Variants in SHTN1 observed in about 807,000 individuals in gnomAD.
SHTN1 encodes the protein shootin 1, also known as shootin-1.
A neutral mutation model predicts 83.1 loss-of-function variants in SHTN1; 42 were observed. That is an observed-to-expected ratio of 0.51 (90% CI 0.39 to 0.65). The LOEUF (loss-of-function observed/expected upper bound fraction) is 0.65. SHTN1 is among the 30% of genes least tolerant of loss of function. The pLI, the probability that SHTN1 is intolerant of heterozygous loss-of-function variation, is 0.00. For synonymous variants in SHTN1, 224 were observed against 247.7 expected (o/e 0.90, Z 0.90); for missense variants, 622 against 737.8 (o/e 0.84, Z 1.82).
chr10:117,096,544 T>C (rs1853505354), intron 1 of SHTN1, among the ~76,000 whole-genome samples: 2 of 152,234 alleles, frequency 1.3e-5, no homozygotes, highest in South Asian at 2.1e-4. Flanking sequence ...TGGAATCACA[T>C]ACAATATAGA....
At chr10:117,010,312 A>G (rs1852085092), upstream of SHTN1, among the ~76,000 whole-genome samples, 1 of 152,108 alleles carries the variant, frequency 6.6e-6, no homozygotes, top group Non-Finnish European at 1.5e-5. Context: ...TAAATAACCT[A>G]GAAGAAATGG....
At chr10:116,894,096 T>G (rs9421254) in intron 16 of SHTN1, among the ~76,000 whole-genome samples, 25 of 152,292 alleles carry the variant, frequency 1.6e-4, no homozygotes, top group African/African-American at 5.8e-4. Context: ...TTTTTTTTCT[T>G]TCATGGAAAT....
chr10:116,977,719 G>A (rs577406944), intron 2 of SHTN1, among the ~76,000 whole-genome samples: 2 of 151,652 alleles, frequency 1.3e-5, no homozygotes, highest in East Asian at 3.9e-4. Flanking sequence ...CTGTTGCCCA[G>A]GCTGGAATGC....
intron 4 of SHTN1, among the ~76,000 whole-genome samples, chr10:116,956,912 T>G (rs1009959660): frequency 5.9e-5 from 9 of 151,626 alleles, no homozygotes; most frequent in East Asian, 3.9e-4. Flanking sequence ...TATATGAGGG[T>G]TTTTTTTGTT....
chr10:116,924,647 G>C (rs1347991243), intron 11 of SHTN1, among the ~76,000 whole-genome samples: 1 of 151,774 alleles, frequency 6.6e-6, no homozygotes, highest in Non-Finnish European at 1.5e-5. Flanking sequence ...CAAACCTCTG[G>C]CCATCACTGC....
At chr10:116,994,282 A>G (rs1851550075) in intron 1 of SHTN1, among the ~76,000 whole-genome samples, 1 of 152,128 alleles carries the variant, frequency 6.6e-6, no homozygotes, top group South Asian at 2.1e-4. Context: ...TGATATAGAG[A>G]AAACTAAATG....
At chr10:117,108,367 C>T (rs1853702135) in intron 1 of SHTN1, among the ~76,000 whole-genome samples, 1 of 151,952 alleles carries the variant, frequency 6.6e-6, no homozygotes, top group Admixed American at 6.6e-5. Flanking sequence ...CCATGGAATA[C>T]TATGCAGCCA....
rs187552114 is a variant in SHTN1 at position 116,993,655 on chromosome 10, G to A, written c.58+11367C>T. Among the ~76,000 whole-genome samples the A allele has an allele frequency of 5.5e-3, 830 of 152,118 alleles. 6 individuals are homozygous for A. Among genetic ancestry groups the A allele is most frequent in the African/African-American group, 0.018 (767 of 41,504 alleles). Reference sequence around the variant, plus strand: ...TATGAGAAAAATAACCTGAGATGATGCCTAGCTTTGTCTGTCTCATAAAAT... The same window carrying A: ...TATGAGAAAAATAACCTGAGATGATACCTAGCTTTGTCTGTCTCATAAAAT... On this transcript the variant is annotated intron_variant, in intron 1 of 16. Transcript: ENST00000355371.
At chr10:117,108,700 G>C (rs1282326134) in intron 1 of SHTN1, among the ~76,000 whole-genome samples, 2 of 150,818 alleles carry the variant, frequency 1.3e-5, no homozygotes, top group East Asian at 4.0e-4. Flanking sequence ...AGAACTTAAA[G>C]TATAATAATA....
upstream of SHTN1, among the ~76,000 whole-genome samples, chr10:117,007,838 CT>C (rs1852045890): frequency 6.6e-6 from 1 of 151,772 alleles, no homozygotes. Flanking sequence ...CGGTGAAACC[CT>C]GTCTCTACTA....
intron 4 of SHTN1, among the ~76,000 whole-genome samples, chr10:116,954,794 A>C (rs76750537): frequency 0.02 from 3,121 of 152,278 alleles, 107 homozygotes; most frequent in African/African-American, 0.071. Context: ...GTTTCTTTCC[A>C]TGTGCCTGGA....
chr10:116,929,281 C>T (rs1463200996), intron 10 of SHTN1, among the ~76,000 whole-genome samples: 2 of 152,142 alleles, frequency 1.3e-5, no homozygotes, highest in African/African-American at 4.8e-5. Context: ...TCCCGTTAAG[C>T]CTTCTAGAAC....
chr10:116,938,619 T>C (rs1832190264), intron 9 of SHTN1, among the ~76,000 whole-genome samples: 1 of 152,168 alleles, frequency 6.6e-6, no homozygotes, highest in Admixed American at 6.5e-5. Context: ...CTGGGAGGTG[T>C]CTCCCAGTCA....
chr10:116,906,123 T>C (rs538376127), intron 15 of SHTN1, among the ~76,000 whole-genome samples: 1 of 152,388 alleles, frequency 6.6e-6, no homozygotes, highest in Non-Finnish European at 1.5e-5. Flanking sequence ...GCTCATTTTG[T>C]GCCATGCACA....
intron 7 of SHTN1, among the ~76,000 whole-genome samples, chr10:116,946,487 T>A (rs1429858900): frequency 3.5e-5 from 5 of 142,736 alleles, no homozygotes; most frequent in Non-Finnish European, 6.1e-5. Context: ...TGTAAATATT[T>A]TATATATAAA....
At position 116,942,295 on chromosome 10, in the gene SHTN1, C is replaced by T. The variant is rs767825667; in HGVS notation, c.712-1683G>A. 3.5e-4 allele frequency among the ~76,000 whole-genome samples: 53 copies of T among 151,946 alleles called. No individual in the cohort carries two copies. The Middle Eastern group carries it at 0.014, about 39-fold the overall frequency. ...TGGCACAATCTCGGCTCACTGCAAC[C>T]TCTGCCTCTCAGGTTCAAGTGATTC... On this transcript the variant is annotated intron_variant, in intron 8 of 16. Coordinates refer to ENST00000355371, the MANE Select transcript of SHTN1 (RefSeq NM_001127211.3).
At chr10:116,954,888 T>A (rs777700449) in intron 4 of SHTN1, among the ~76,000 whole-genome samples, 24 of 152,028 alleles carry the variant, frequency 1.6e-4, no homozygotes, top group Non-Finnish European at 2.8e-4. Context: ...CTGAAGCTGA[T>A]GTGTAGAGAA....
chr10:116,886,573 G>A lies in SHTN1; in HGVS notation c.1674-7C>T. 2 of 1,613,418 alleles carry A rather than the reference G, an allele frequency of 1.2e-6. No homozygotes were observed. On this transcript the variant is annotated splice_region_variant and splice_polypyrimidine_tract_variant and intron_variant, in intron 16 of 16. Transcript: ENST00000355371. ...TCCAATGCTACTGGGAGGCCTATGA[G>A]ATGAAGAGTTAGACAAAAAAAGTAA...
chr10:117,061,698 C>T (rs191157242), intron 1 of SHTN1, among the ~76,000 whole-genome samples: 6 of 150,874 alleles, frequency 4.0e-5, no homozygotes, highest in East Asian at 3.9e-4. Flanking sequence ...CTCAAACTCC[C>T]GACCTCAGGT....
Sources: gnomAD v4.1 joint callset for allele counts (sites outside exome capture counted in the v4.1 genomes callset) on GRCh38, gnomAD v4.1.1 for gene constraint, MANE v1.5 for transcripts, NCBI Gene and HGNC (gene_info 2026-07-23, HGNC 2026-07-21) for gene names.